The following SDK2 variants were observed in gnomAD, a reference collection of about 807,000 sequenced individuals.
SDK2 encodes sidekick cell adhesion molecule 2.
SDK2 carries 105 observed loss-of-function variants against 253.9 expected under a neutral mutation model. The observed-to-expected ratio is 0.41, with a 90% CI of 0.35 to 0.49. SDK2 has a LOEUF of 0.49. Among genes scored for constraint, SDK2 ranks in the 20% least tolerant of loss-of-function variants. The pLI is 0.06. For synonymous variants in SDK2, 1,249 were observed against 1,234.9 expected (o/e 1.01, Z -0.24); for missense variants, 2,608 against 3,003.0 (o/e 0.87, Z 3.07).
chr17:73,387,691 G>A (rs1184813820), intron 30 of SDK2, 145 bp downstream of exon 30: 4 of 671,146 alleles, frequency 6.0e-6, no homozygotes, highest in East Asian at 2.8e-5. Flanking sequence ...GAGTGGACGC[G>A]GGGGCCGCCT....
chr17:73,360,444 G>A (rs1279200602), intron 39 of SDK2, among the ~76,000 whole-genome samples: 3 of 152,184 alleles, frequency 2.0e-5, no homozygotes, highest in African/African-American at 7.2e-5. Flanking sequence ...GTGGGCAGAG[G>A]AGGAGATGGG....
At chr17:73,552,468 C>A (rs1009948354) in intron 1 of SDK2, among the ~76,000 whole-genome samples, 3 of 152,180 alleles carry the variant, frequency 2.0e-5, no homozygotes, top group African/African-American at 7.2e-5. Flanking sequence ...CGCAGGGGAC[C>A]CTCCTGAGGG....
At position 73,386,492 on chromosome 17, in the gene SDK2, T is replaced by C. The variant is rs2062873468; in HGVS notation, c.4451A>G (p.Asp1484Gly). The change falls in exon 31 of 45, where the codon GAC becomes GGC. Residue 1484 changes from aspartate (D) to glycine (G), a missense_variant. Around this residue, in one of 2 missense-constraint regions of SDK2, gnomAD observed 1,103 missense variants for 1,143.9 expected, o/e 0.96. Transcript: ENST00000392650. ...CTCCGACTCCTCGCTGAACTCGCTG[T>C]CGCCAATGTCATTGGTCGCCTTCAC... ...FRVKATNDIG[D>G]SEFSEESESL... 9.0e-6 allele frequency: 14 copies of C among 1,562,484 alleles called. No homozygotes were observed. The highest frequency in any genetic ancestry group is 1.2e-5 in the Non-Finnish European group (14 of 1,153,256).
intron 1 of SDK2, among the ~76,000 whole-genome samples, chr17:73,581,947 C>T (rs757360893): frequency 6.6e-5 from 10 of 152,218 alleles, no homozygotes; most frequent in Non-Finnish European, 1.0e-4. Flanking sequence ...TGTGAGAACT[C>T]TGTCTGGAGC....
In SDK2 at chr17:73,465,611, G is replaced by T. The variant is rs1474479193; in HGVS notation, c.331+6501C>A. Among the ~76,000 whole-genome samples, 1 of 152,120 alleles carries T rather than the reference G, an allele frequency of 6.6e-6. No homozygotes were observed. The highest frequency in any genetic ancestry group is 1.5e-5 in the Non-Finnish European group (1 of 68,016). On this transcript the variant is annotated intron_variant, in intron 3 of 44. Coordinates refer to ENST00000392650, the MANE Select transcript of SDK2 (RefSeq NM_001144952.2). The surrounding 1 kb of genome is among the most constrained non-coding windows in gnomAD (Gnocchi z 4.2). Reference sequence around the variant, plus strand: ...GTGGGGACAGGAAGGGGCTGGGGAGGGGGGAAGATGTTTTATTGACTTCCC... The same window carrying T: ...GTGGGGACAGGAAGGGGCTGGGGAGTGGGGAAGATGTTTTATTGACTTCCC...
chr17:73,566,347 G>GTC, intron 1 of SDK2, among the ~76,000 whole-genome samples: 1 of 151,998 alleles, frequency 6.6e-6, no homozygotes. Flanking sequence ...GTGTGTGTGT[G>GTC]TGTGTGTGTT....
intron 1 of SDK2, among the ~76,000 whole-genome samples, chr17:73,572,349 C>T (rs2045400219): frequency 6.6e-6 from 1 of 152,016 alleles, no homozygotes. Context: ...GGTCTGCAGA[C>T]ACAGTTTAGT....
intron 18 of SDK2, among the ~76,000 whole-genome samples, chr17:73,405,519 A>ATATATAT (rs2063069601): frequency 1.1e-5 from 1 of 87,184 alleles, no homozygotes; most frequent in Non-Finnish European, 2.3e-5. Context: ...TATATATATA[A>ATATATAT]AGATCGAGAA....
intron 2 of SDK2, among the ~76,000 whole-genome samples, chr17:73,497,316 C>G (rs962396656): frequency 4.9e-4 from 74 of 152,296 alleles, no homozygotes; most frequent in Admixed American, 2.7e-3. Flanking sequence ...TCCCATCCAG[C>G]CTCTAGGTTT....
In SDK2 at chr17:73,431,173, A is replaced by C. The variant is rs2063323007; in HGVS notation, c.1480+329T>G. Among the ~76,000 whole-genome samples, 1 of 152,248 alleles carries C rather than the reference A, an allele frequency of 6.6e-6. No individual in the cohort carries two copies. Among genetic ancestry groups the C allele is most frequent in the African/African-American group, 2.4e-5 (1 of 41,462 alleles). On this transcript the variant is annotated intron_variant, in intron 11 of 44. Transcript: ENST00000392650. The surrounding 1 kb of genome is among the most constrained non-coding windows in gnomAD (Gnocchi z 5.6). The stretch of plus-strand genomic sequence containing the variant: ...TTGTGACAGAGACCGTCTGGCCCAC[A>C]CAGCTTAAAATATTTATGATCTGGC...
intron 2 of SDK2, among the ~76,000 whole-genome samples, chr17:73,491,228 G>T (rs1039043895): frequency 6.6e-5 from 10 of 152,064 alleles, no homozygotes; most frequent in African/African-American, 2.4e-4. Flanking sequence ...CCCTGACATG[G>T]CTCAACATAT....
intron 3 of SDK2, among the ~76,000 whole-genome samples, chr17:73,459,094 G>A (rs986636200): frequency 2.0e-5 from 3 of 152,126 alleles, no homozygotes; most frequent in Non-Finnish European, 2.9e-5. Flanking sequence ...AACCCCTGGA[G>A]CCTTTGGTGG....
chr17:73,463,396 A>G (rs1474803219), intron 3 of SDK2, among the ~76,000 whole-genome samples: 1 of 152,242 alleles, frequency 6.6e-6, no homozygotes, highest in Non-Finnish European at 1.5e-5. Flanking sequence ...AAATCATGAA[A>G]TATGTCACGC....
At chr17:73,572,094 C>G (rs2045396637) in intron 1 of SDK2, among the ~76,000 whole-genome samples, 1 of 152,198 alleles carries the variant, frequency 6.6e-6, no homozygotes, top group Non-Finnish European at 1.5e-5. Flanking sequence ...GCGGACAAGA[C>G]CTCGGCATTC....
At chr17:73,524,430 G>C (rs549643464) in intron 1 of SDK2, among the ~76,000 whole-genome samples, 25 of 152,306 alleles carry the variant, frequency 1.6e-4, no homozygotes, top group Non-Finnish European at 2.6e-4. Flanking sequence ...CCCCTGGTGG[G>C]CTGGGGATGA....
At chr17:73,546,124 G>T (rs1018115177) in intron 1 of SDK2, among the ~76,000 whole-genome samples, 6 of 152,124 alleles carry the variant, frequency 3.9e-5, no homozygotes, top group African/African-American at 1.4e-4. Context: ...GTGAGGAGAG[G>T]CAGAGAGAGA....
At chr17:73,610,430 G>C (rs2045959356) in intron 1 of SDK2, among the ~76,000 whole-genome samples, 1 of 152,212 alleles carries the variant, frequency 6.6e-6, no homozygotes, top group South Asian at 2.1e-4. Flanking sequence ...TTTGTTCTCA[G>C]CCTGAATTTT....
intron 40 of SDK2, among the ~76,000 whole-genome samples, chr17:73,357,213 T>C (rs2062599259): frequency 6.6e-6 from 1 of 152,262 alleles, no homozygotes; most frequent in African/African-American, 2.4e-5. Context: ...ATTAACTCTC[T>C]GCTATTGGGA....
chr17:73,546,652 CT>C (rs1289646391), intron 1 of SDK2, among the ~76,000 whole-genome samples: 4 of 152,340 alleles, frequency 2.6e-5, no homozygotes, highest in East Asian at 3.9e-4. Context: ...TCAGAGACCC[CT>C]GGCATGGTGG....
Sources: gnomAD v4.1 joint callset for allele counts (sites outside exome capture counted in the v4.1 genomes callset) on GRCh38, gnomAD v4.1.1 for gene constraint, gnomAD v4.1.1 regional missense constraint, Gnocchi (gnomAD v3.1) non-coding constraint, MANE v1.5 for transcripts, NCBI Gene and HGNC (gene_info 2026-07-23, HGNC 2026-07-21) for gene names.